EXOC3L2: variants seen among roughly 807,000 people sequenced by gnomAD.
EXOC3L2 encodes the protein exocyst complex component 3 like 2.
A neutral mutation model predicts 44.4 loss-of-function variants in EXOC3L2; 17 were observed. The ratio of observed to expected loss-of-function variants is 0.38; its 90% CI spans 0.26 to 0.57. The LOEUF (loss-of-function observed/expected upper bound fraction) is 0.57. Ranked by LOEUF, EXOC3L2 falls within the 20% of genes least tolerant of loss-of-function variation. EXOC3L2 has a pLI of 0.65. For synonymous variants in EXOC3L2, 256 were observed against 253.7 expected (o/e 1.01, Z -0.09); for missense variants, 541 against 588.4 (o/e 0.92, Z 0.83).
At chr19:45,218,451 T>G in intron 8 of EXOC3L2, 132 bp from the exon 9 acceptor site, 1 of 1,211,966 alleles carries the variant, frequency 8.3e-7, no homozygotes, top group Non-Finnish European at 1.1e-6. Flanking sequence ...GGGGAAGAGA[T>G]AGCCCCAGCC....
At chr19:45,217,712 G>A (rs1969851683) in intron 9 of EXOC3L2, 29 bp from the exon 10 acceptor site, 2 of 1,393,028 alleles carry the variant, frequency 1.4e-6, no homozygotes, top group African/African-American at 1.5e-5. Context: ...AACCCGAGGG[G>A]TGTGAGCCAT....
chr19:45,216,007 G>A (rs1969829785), intron 11 of EXOC3L2, 66 bp downstream of exon 11: 1 of 1,594,198 alleles, frequency 6.3e-7, no homozygotes, highest in African/African-American at 1.3e-5. Context: ...CACAGGGACG[G>A]ATGCCAAGGC....
At chr19:45,244,780 GGCATGTCCCCAA>G (rs1247667958) in intron 1 of EXOC3L2, among the ~76,000 whole-genome samples, 5 of 151,948 alleles carry the variant, frequency 3.3e-5, no homozygotes, top group Non-Finnish European at 4.4e-5. Context: ...CTTTCCATAT[GGCATGTCCCCAA>G]GCCCAACCCC....
intron 4 of EXOC3L2, among the ~76,000 whole-genome samples, chr19:45,229,425 G>C (rs113390137): frequency 6.9e-6 from 1 of 144,830 alleles, no homozygotes; most frequent in African/African-American, 2.5e-5. Context: ...TTCATAATAC[G>C]TTATTTATAT....
intron 1 of EXOC3L2, among the ~76,000 whole-genome samples, chr19:45,239,495 C>T (rs1238033262): frequency 4.7e-5 from 7 of 148,762 alleles, no homozygotes; most frequent in East Asian, 4.0e-4. Flanking sequence ...GGATTACAGG[C>T]GTGAGCCACC....
rs757415310 is a variant in EXOC3L2 at position 45,231,778 on chromosome 19, G to A, written c.1254C>T (p.Cys418=). 185 of 1,609,020 alleles carry A rather than the reference G, an allele frequency of 1.1e-4. 2 individuals carry two copies. Among genetic ancestry groups the A allele is most frequent in the Admixed American group, 6.7e-4 (40 of 59,888 alleles). Residue 418 remains cysteine, a synonymous_variant, in exon 4 of 12, where the codon TGC becomes TGT. Coordinates refer to ENST00000413988, the MANE Select transcript of EXOC3L2 (RefSeq NM_001382422.1). ...PGTLRGLEDE[C]VTDVKAQTRA... ...TTCCAGGTACCTTAACATCTGTGAC[G>A]CATTCATCCTCCAAACCCCGCAGGG...
intron 3 of EXOC3L2, among the ~76,000 whole-genome samples, chr19:45,232,925 A>T (rs2122983516): frequency 6.6e-6 from 1 of 151,676 alleles, no homozygotes; most frequent in Non-Finnish European, 1.5e-5. Flanking sequence ...TAAAAATACA[A>T]AAAAATTAGG....
intron 2 of EXOC3L2, among the ~76,000 whole-genome samples, chr19:45,236,101 G>A (rs764257986): frequency 3.9e-5 from 6 of 151,900 alleles, no homozygotes; most frequent in Non-Finnish European, 8.8e-5. Flanking sequence ...GAATGACATT[G>A]GGGTCTGGGT....
At chr19:45,213,417 C>A in intron 11 of EXOC3L2, 60 bp from the exon 12 acceptor site, 1 of 1,588,670 alleles carries the variant, frequency 6.3e-7, no homozygotes. Flanking sequence ...CACACCCAAC[C>A]CAGCCGTGGA....
In EXOC3L2 at chr19:45,212,598, C is replaced by CTTTTTTTT. The variant is rs530736333; in HGVS notation, c.*463_*470dup. On this transcript the variant is annotated 3_prime_UTR_variant, in exon 12 of 12. Coordinates refer to ENST00000413988, the MANE Select transcript of EXOC3L2 (RefSeq NM_001382422.1). ...CTCTTTGGCCTCTGTTTCCCCCTAC[C>CTTTTTTTT]TTTTTTTTTTTTTTTTTTTTTTGAG... The CTTTTTTTT allele has an allele frequency of 9.0e-6, 1 of 111,352 alleles. No individual in the cohort carries two copies. The highest frequency in any genetic ancestry group is 4.0e-5 in the African/African-American group (1 of 25,160). 6.9% of individuals were successfully genotyped at this position (111,352 alleles called of 1,614,324 possible).
Position 45,234,527 on chromosome 19 carries a change from C to G in EXOC3L2, c.823G>C (p.Gly275Arg). The G allele has an allele frequency of 4.0e-6, 1 of 249,804 alleles. No individual in the cohort carries two copies. Among genetic ancestry groups the G allele is most frequent in the Non-Finnish European group, 7.7e-6 (1 of 130,258 alleles). The allele number at this position is 249,804 out of a possible 1,614,324, so 15.5% of individuals were successfully genotyped here. A position where few individuals can be genotyped will look rare whatever the true frequency, so the allele number is the denominator to read the frequency against. ...QVLVQEEAAD[G>R]RRGPGAARKL... ...CGGGCCGCCCCGGGACCCCGACGCC[C>G]GTCGGCCGCCTCCTCCTGTACCAGC... is the stretch of plus-strand genomic sequence containing the variant. The change falls in exon 3 of 12, where the codon GGG becomes CGG. Residue 275 changes from glycine (G) to arginine (R), a missense_variant. By Grantham distance (125) the Gly-to-Arg change is moderately radical. Transcript: ENST00000413988. The surrounding 1 kb of genome is among the most constrained non-coding windows in gnomAD (Gnocchi z 5.0).
At chr19:45,215,321 A>G (rs1408903954) in intron 11 of EXOC3L2, among the ~76,000 whole-genome samples, 1 of 152,032 alleles carries the variant, frequency 6.6e-6, no homozygotes, top group Non-Finnish European at 1.5e-5. Flanking sequence ...AATACAAAAA[A>G]TTAGCTGGGC....
chr19:45,227,801 C>G, intron 6 of EXOC3L2, 29 bp from the exon 7 acceptor site: 1 of 1,592,406 alleles, frequency 6.3e-7, no homozygotes, highest in South Asian at 1.1e-5. Flanking sequence ...ACAGATAGGG[C>G]GCCACTGGGT....
At chr19:45,222,639 T>C (rs1969910381) in intron 8 of EXOC3L2, among the ~76,000 whole-genome samples, 1 of 152,122 alleles carries the variant, frequency 6.6e-6, no homozygotes, top group African/African-American at 2.4e-5. Context: ...TGTCTCTCTC[T>C]CCCTCAAAAC....
chr19:45,232,112 C>T (rs2034840966), intron 3 of EXOC3L2, among the ~76,000 whole-genome samples: 2 of 152,146 alleles, frequency 1.3e-5, no homozygotes, highest in Non-Finnish European at 2.9e-5. Flanking sequence ...GGGTCAAGTC[C>T]AGGCTTGAAG....
intron 7 of EXOC3L2, among the ~76,000 whole-genome samples, chr19:45,227,138 G>A (rs1969972768): frequency 6.8e-6 from 1 of 147,716 alleles, no homozygotes. Flanking sequence ...TTTTTTTTGA[G>A]ACGGAGTCTT....
intron 7 of EXOC3L2, among the ~76,000 whole-genome samples, chr19:45,225,358 T>C (rs1279038780): frequency 1.3e-5 from 2 of 151,640 alleles, no homozygotes; most frequent in African/African-American, 4.9e-5. Context: ...AAGTTCCGCC[T>C]CCCAGGTTCA....
chr19:45,224,525 T>A (rs1013644976), intron 8 of EXOC3L2, among the ~76,000 whole-genome samples: 3 of 151,834 alleles, frequency 2.0e-5, no homozygotes, highest in African/African-American at 7.3e-5. Context: ...TGAGCAGGGA[T>A]CTGGGGGACC....
At chr19:45,223,626 G>A (rs1374996091) in intron 8 of EXOC3L2, among the ~76,000 whole-genome samples, 1 of 150,948 alleles carries the variant, frequency 6.6e-6, no homozygotes, top group Non-Finnish European at 1.5e-5. Flanking sequence ...ACAGGCGTGA[G>A]CCACCGCACC....
Sources: gnomAD v4.1 joint callset for allele counts (sites outside exome capture counted in the v4.1 genomes callset) on GRCh38, gnomAD v4.1.1 for gene constraint, Gnocchi (gnomAD v3.1) non-coding constraint, MANE v1.5 for transcripts, NCBI Gene and HGNC (gene_info 2026-07-23, HGNC 2026-07-21) for gene names.